AGO2: variants seen among roughly 807,000 people sequenced by gnomAD.
AGO2 encodes the protein argonaute RISC catalytic component 2, also known as protein argonaute-2.
A neutral mutation model predicts 102.3 loss-of-function variants in AGO2; 5 were observed. The ratio of observed to expected loss-of-function variants is 0.05; its 90% CI spans 0.03 to 0.10. AGO2 has a LOEUF of 0.10. Ranked by LOEUF, AGO2 falls within the 10% of genes least tolerant of loss-of-function variation. The probability of loss-of-function intolerance (pLI) is 1.00; values close to 1 mark genes in which losing one functional copy is unlikely to be tolerated. For missense variants in AGO2, 541 were observed against 1,183.7 expected (o/e 0.46, Z 7.97); for synonymous variants, 449 against 473.1 (o/e 0.95, Z 0.66).
At chr8:140,535,334 C>G (rs930684726) in intron 17 of AGO2, 134 bp downstream of exon 17, 4 of 923,800 alleles carry the variant, frequency 4.3e-6, no homozygotes, top group East Asian at 2.6e-5. Flanking sequence ...CTGGGCTCCC[C>G]GGTTCCCTGG....
rs79898231 is a variant in AGO2, at chr8:140,608,131, G to A, written c.23-22820C>T. 2.0e-3 allele frequency among the ~76,000 whole-genome samples: 311 copies of A among 152,286 alleles called. 3 individuals are homozygous for A. The highest frequency in any genetic ancestry group is 7.1e-3 in the African/African-American group (295 of 41,554). ...TCCTAAACACAGAGTGGTGATATGG[G>A]CTTGTGAGCTCTGTCTGGAGAAACC... On this transcript the variant is annotated intron_variant, in intron 1 of 18. Transcript: ENST00000220592.
intron 13 of AGO2, among the ~76,000 whole-genome samples, chr8:140,544,883 G>T (rs1052225926): frequency 6.6e-6 from 1 of 152,190 alleles, no homozygotes; most frequent in African/African-American, 2.4e-5. Context: ...GACTTCCCTG[G>T]GAGGCAGCAC....
intron 3 of AGO2, among the ~76,000 whole-genome samples, chr8:140,568,691 C>T (rs927054422): frequency 1.3e-5 from 2 of 152,166 alleles, no homozygotes; most frequent in Admixed American, 1.3e-4. Context: ...CAGCAGCTCT[C>T]GAAAGGCAGA....
intron 1 of AGO2, among the ~76,000 whole-genome samples, chr8:140,586,584 C>T (rs1462451394): frequency 2.0e-5 from 3 of 152,238 alleles, no homozygotes; most frequent in South Asian, 2.1e-4. Context: ...CACAGGATGA[C>T]GTCTGATGAC....
At chr8:140,550,196 T>C (rs531648022) in intron 11 of AGO2, among the ~76,000 whole-genome samples, 183 of 152,296 alleles carry the variant, frequency 1.2e-3, no homozygotes, top group Non-Finnish European at 2.1e-3. Context: ...GAAGGACAGA[T>C]GGCCACTCGC....
chr8:140,622,263 TGGGGTCTCCTCTTGGG>T (rs2074228051), intron 1 of AGO2, among the ~76,000 whole-genome samples: 1 of 109,696 alleles, frequency 9.1e-6, no homozygotes, highest in Non-Finnish European at 1.9e-5. Context: ...TTAATCCACA[TGGGGTCTCCTCTTGGG>T]GGAATAATGC....
intron 1 of AGO2, chr8:140,592,847 A>C (rs994165000): frequency 6.6e-6 from 1 of 152,288 alleles, no homozygotes; most frequent in African/African-American, 2.4e-5. Context: ...ACTCCAGTAC[A>C]AGACTTCCAG....
chr8:140,590,316 C>T (rs931465810), intron 1 of AGO2, among the ~76,000 whole-genome samples: 2 of 152,206 alleles, frequency 1.3e-5, no homozygotes, highest in African/African-American at 2.4e-5. Flanking sequence ...CACCAAAAGT[C>T]AAATGTGACA....
chr8:140,536,328 T>A (rs1015122144), intron 16 of AGO2, among the ~76,000 whole-genome samples: 3 of 65,356 alleles, frequency 4.6e-5, no homozygotes, highest in Non-Finnish European at 7.5e-5. Flanking sequence ...TCTTTGCAAT[T>A]TTTTTTTTTT....
chr8:140,543,170 AAAC>A (rs1002096528), intron 14 of AGO2, among the ~76,000 whole-genome samples: 2 of 138,214 alleles, frequency 1.4e-5, no homozygotes, highest in African/African-American at 5.5e-5. Flanking sequence ...ACAAAAATAG[AAAC>A]AACAAAAAAA....
intron 3 of AGO2, among the ~76,000 whole-genome samples, chr8:140,568,885 G>C (rs1290968917): frequency 6.6e-6 from 1 of 152,192 alleles, no homozygotes; most frequent in Non-Finnish European, 1.5e-5. Flanking sequence ...AAAGCACCTG[G>C]CTCATTCGAG....
At chr8:140,626,516 G>A (rs575309027) in intron 1 of AGO2, 6 of 152,292 alleles carry the variant, frequency 3.9e-5, no homozygotes, top group Admixed American at 1.3e-4. Context: ...CAGGTCGCCC[G>A]CATCATCTCC....
chr8:140,580,929 G>A (rs2073547354), intron 2 of AGO2, among the ~76,000 whole-genome samples: 1 of 152,254 alleles, frequency 6.6e-6, no homozygotes, highest in South Asian at 2.1e-4. Context: ...GAGCCTGGCA[G>A]GCGAAACCAC....
chr8:140,572,875 C>T lies in AGO2; in HGVS notation c.273G>A (p.Lys91=). 1 of 1,614,152 alleles carries T rather than the reference C, an allele frequency of 6.2e-7. No homozygotes were observed. Among genetic ancestry groups the T allele is most frequent in the South Asian group, 1.1e-5 (1 of 91,076 alleles). Residue 91 remains lysine, a synonymous_variant, in exon 3 of 19, where the codon AAG becomes AAA. Transcript: ENST00000220592. ...HFKTQIFGDR[K]PVFDGRKNLY... ...GATTCTTCCTGCCGTCAAACACGGGCTTCCGATCCCCAAAGATCTGTGTTT... is the reference window on the plus strand; with the variant it reads ...GATTCTTCCTGCCGTCAAACACGGGTTTCCGATCCCCAAAGATCTGTGTTT...
chr8:140,642,009 G>C, the AGO2 span, among the ~76,000 whole-genome samples: 1 of 151,706 alleles, frequency 6.6e-6, no homozygotes, highest in African/African-American at 2.4e-5. Context: ...GCCACTGTAC[G>C]TCAGCCTGGT....
At chr8:140,596,813 T>A (rs1237630429) in intron 1 of AGO2, among the ~76,000 whole-genome samples, 1 of 152,004 alleles carries the variant, frequency 6.6e-6, no homozygotes, top group African/African-American at 2.4e-5. Flanking sequence ...GAGAGGCAAG[T>A]GGCCGGGGTG....
intron 1 of AGO2, among the ~76,000 whole-genome samples, chr8:140,603,917 C>A (rs923142960): frequency 2.6e-5 from 4 of 152,262 alleles, no homozygotes; most frequent in Admixed American, 6.5e-5. Flanking sequence ...AAGGTGCCAG[C>A]TGCTTCTGCT....
chr8:140,523,315 A>G lies in AGO2; in HGVS notation c.*8729T>C, dbSNP rs2072446618. 6.6e-6 allele frequency: 1 copy of G among 152,196 alleles called. No homozygotes were observed. The highest frequency in any genetic ancestry group is 2.4e-5 in the African/African-American group (1 of 41,456). The allele number at this position is 152,196 out of a possible 1,614,324, so 9.4% of individuals were successfully genotyped here. On this transcript the variant is annotated 3_prime_UTR_variant, in exon 19 of 19. Transcript: ENST00000220592. ...TCAAAATGTCTTCTAAAATGTTTTC[A>G]TTGTGGGAGAAAATTAAGAAGGGGC...
intron 5 of AGO2, 49 bp from the exon 6 acceptor site, chr8:140,559,578 T>C: frequency 6.2e-7 from 1 of 1,608,742 alleles, no homozygotes; most frequent in South Asian, 1.1e-5. Flanking sequence ...GTGGGGCTGC[T>C]GGACGGGCCC....
Sources: allele counts gnomAD v4.1 joint callset (sites outside exome capture counted in the v4.1 genomes callset), GRCh38; gene constraint gnomAD v4.1.1; transcripts MANE v1.5; gene names NCBI Gene and HGNC (gene_info 2026-07-23, HGNC 2026-07-21).